The following STYXL1 variants were observed in gnomAD, a reference collection of about 807,000 sequenced individuals.
The protein encoded by STYXL1 is serine/threonine/tyrosine interacting like 1.
A neutral mutation model predicts 36.4 loss-of-function variants in STYXL1; 32 were observed. The observed-to-expected ratio is 0.88, with a 90% CI of 0.66 to 1.18. STYXL1 has a LOEUF of 1.18. STYXL1 is among the 50% of genes most tolerant of loss of function. The pLI, the probability that STYXL1 is intolerant of heterozygous loss-of-function variation, is 0.00. For missense variants in STYXL1, 354 were observed against 394.1 expected, an observed-to-expected ratio of 0.90 and a Z score of 0.86; for synonymous variants, 133 against 144.1, an observed-to-expected ratio of 0.92 and a Z score of 0.55.
At chr7:76,025,326 A>G (rs1794572692) in intron 3 of STYXL1, among the ~76,000 whole-genome samples, 1 of 152,150 alleles carries the variant, frequency 6.6e-6, no homozygotes, top group African/African-American at 2.4e-5. Context: ...AAATTAAAAA[A>G]AAAAAGCTAT....
At chr7:76,005,872 AGAG>A (rs1180135618) in intron 5 of STYXL1, among the ~76,000 whole-genome samples, 3 of 23,182 alleles carry the variant, frequency 1.3e-4, no homozygotes, top group South Asian at 1.3e-3. Flanking sequence ...GGAGGAAGAG[AGAG>A]GAGGAGAGAG....
intron 5 of STYXL1, among the ~76,000 whole-genome samples, chr7:76,011,502 T>G (rs1792548915): frequency 6.6e-6 from 1 of 152,234 alleles, no homozygotes. Context: ...TACTATGATT[T>G]CGATTGAAGT....
Position 76,028,722 on chromosome 7 carries a change from TA to T in STYXL1, c.104-20del. On this transcript the variant is annotated intron_variant, in intron 2 of 8. Coordinates refer to ENST00000359697, the MANE Select transcript of STYXL1 (RefSeq NM_001317785.2). ...CGGACATCTGGAAAGGAAACGTATT[TA>T]AGAACTGAATTTGCAAAGGAACATA... 1 of 1,613,084 alleles carries T rather than the reference TA, an allele frequency of 6.2e-7. No individual in the cohort carries two copies. Among genetic ancestry groups the T allele is most frequent in the Non-Finnish European group, 8.5e-7 (1 of 1,179,080 alleles).
At chr7:76,030,308 C>T in intron 2 of STYXL1, 113 bp downstream of exon 2, 1 of 766,522 alleles carries the variant, frequency 1.3e-6, no homozygotes, top group Non-Finnish European at 2.2e-6. Context: ...CCAGGGATCC[C>T]TGTTCTAAAG....
At position 76,047,926 on chromosome 7, in the gene STYXL1, G is replaced by A. The variant is rs752435372; in HGVS notation, c.-269C>T. ...CAGGTCCCCCACCGGCCACACAGAC[G>A]GCTACGCTAGAACCCAGCCAAACAC... On this transcript the variant is annotated 5_prime_UTR_variant, in exon 1 of 9. Transcript: ENST00000359697. 26 of 1,430,044 alleles carry A rather than the reference G, an allele frequency of 1.8e-5. No homozygotes were observed. The highest frequency in any genetic ancestry group is 2.4e-5 in the Non-Finnish European group (26 of 1,093,494). The allele number at this position is 1,430,044 out of a possible 1,614,324, so 88.6% of individuals were successfully genotyped here.
In STYXL1 at chr7:76,013,739, T is replaced by C. The variant is rs1554572942; in HGVS notation, c.453+3A>G. On this transcript the variant is annotated splice_donor_region_variant and intron_variant, in intron 5 of 8. Transcript: ENST00000359697. ...CCTGCCTGTGCTCAGCATTTGGCCCTACCTGAGGCATCCAGATGATCTTCT... is the reference window on the plus strand; with the variant it reads ...CCTGCCTGTGCTCAGCATTTGGCCCCACCTGAGGCATCCAGATGATCTTCT... The C allele has an allele frequency of 1.2e-6, 2 of 1,613,886 alleles. No homozygotes were observed. The highest frequency in any genetic ancestry group is 4.5e-5 in the East Asian group (2 of 44,852).
intron 1 of STYXL1, among the ~76,000 whole-genome samples, chr7:76,038,390 A>C (rs1205431976): frequency 2.7e-5 from 4 of 146,120 alleles, no homozygotes; most frequent in Non-Finnish European, 6.1e-5. Flanking sequence ...CGAGGCTGTC[A>C]GGACCTGCTT....
At chr7:76,022,881 T>C (rs1158046473) in intron 3 of STYXL1, among the ~76,000 whole-genome samples, 1 of 152,026 alleles carries the variant, frequency 6.6e-6, no homozygotes, top group Non-Finnish European at 1.5e-5. Context: ...GAGCTATGAT[T>C]GCACCACTGC....
chr7:76,021,950 A>G lies in STYXL1; in HGVS notation c.208T>C (p.Cys70Arg). 1 of 1,612,250 alleles carries G rather than the reference A, an allele frequency of 6.2e-7. No homozygotes were observed. The highest frequency in any genetic ancestry group is 8.5e-7 in the Non-Finnish European group (1 of 1,179,802). Residue 70 changes from cysteine to arginine, a missense_variant, in exon 4 of 9, where the codon TGT becomes CGT. Physicochemically the swap from Cys to Arg is radical, Grantham distance 180 (BLOSUM62 -3). Coordinates refer to ENST00000359697, the MANE Select transcript of STYXL1 (RefSeq NM_001317785.2). ...TCATACACCACGCAGTACTTCACAC[A>G]CTCCAGGTCCACAGACTCCGGGAGA... ...YLLPESVDLE[C>R]VKYCVVYDNN...
intron 3 of STYXL1, among the ~76,000 whole-genome samples, chr7:76,025,307 T>A (rs61224638): frequency 0.23 from 34,657 of 148,080 alleles, 5,484 homozygotes; most frequent in African/African-American, 0.45. Context: ...TCTCAAAAAA[T>A]AAAAATAAAA....
intron 4 of STYXL1, among the ~76,000 whole-genome samples, chr7:76,017,305 G>A (rs1472301013): frequency 6.6e-6 from 1 of 152,046 alleles, no homozygotes; most frequent in Non-Finnish European, 1.5e-5. Context: ...TTACAGGCAT[G>A]AGCCACCGTG....
intron 1 of STYXL1, among the ~76,000 whole-genome samples, chr7:76,047,153 C>T (rs2116603857): frequency 6.6e-6 from 1 of 151,982 alleles, no homozygotes. Context: ...CCCAGCTACT[C>T]AGGAGAATGA....
At chr7:76,028,543 G>A in intron 3 of STYXL1, 99 bp downstream of exon 3, 1 of 1,134,472 alleles carries the variant, frequency 8.8e-7, no homozygotes. Context: ...AAACAGTCCT[G>A]CTTCTGCTGC....
chr7:76,012,020 C>A (rs1792617170), intron 5 of STYXL1, among the ~76,000 whole-genome samples: 2 of 152,230 alleles, frequency 1.3e-5, no homozygotes. Flanking sequence ...AAAAAATAGG[C>A]TGAGTGCAGT....
In STYXL1 at chr7:76,005,320, TG is replaced by T. The variant is rs1563466594; in HGVS notation, c.537del (p.Lys180ArgfsTer6). 1 of 1,613,212 alleles carries T rather than the reference TG, an allele frequency of 6.2e-7. No homozygotes were observed. On this transcript the variant is annotated frameshift_variant, in exon 6 of 9. Transcript: ENST00000359697. LOFTEE classifies it high-confidence loss of function. ...TTGATTTTCAAGTCCTTCTGAATCTTGGGGTCACAGGCTTGACTGAAATTGC... is the reference window on the plus strand; with the variant it reads ...TTGATTTTCAAGTCCTTCTGAATCTTGGGTCACAGGCTTGACTGAAATTGC... ...FVGNFSQACDPKIQKDLKIKA... is the reference protein window; with the variant it reads ...FVGNFSQACDXKIQKDLKIKA...
chr7:76,028,011 G>C (rs573433185), intron 3 of STYXL1, among the ~76,000 whole-genome samples: 1 of 152,086 alleles, frequency 6.6e-6, no homozygotes, highest in East Asian at 1.9e-4. Context: ...GAGGCTGAGC[G>C]GCGTAGGATT....
intron 7 of STYXL1, 45 bp from the exon 8 acceptor site, chr7:76,001,047 C>T: frequency 6.7e-7 from 1 of 1,486,964 alleles, no homozygotes; most frequent in Non-Finnish European, 9.4e-7. Flanking sequence ...GCCCTCCTCC[C>T]TGTGGGCCTG....
intron 3 of STYXL1, among the ~76,000 whole-genome samples, chr7:76,026,191 CCAAAAAAAAAAAAAAAAA>C (rs1176679218): frequency 2.8e-3 from 24 of 8,570 alleles, no homozygotes; most frequent in African/African-American, 5.5e-3. Context: ...GACTCTGTCT[CCAAAAAAAAAAAAAAAAA>C]AAAAAAAAAA....
intron 1 of STYXL1, among the ~76,000 whole-genome samples, chr7:76,040,391 G>C (rs1796366081): frequency 6.6e-6 from 1 of 152,302 alleles, no homozygotes; most frequent in Non-Finnish European, 1.5e-5. Context: ...TGCAGACTCA[G>C]ATCTGCCACA....
Sources: gnomAD v4.1 joint callset for allele counts (sites outside exome capture counted in the v4.1 genomes callset) on GRCh38, gnomAD v4.1.1 for gene constraint, MANE v1.5 for transcripts, NCBI Gene and HGNC (gene_info 2026-07-23, HGNC 2026-07-21) for gene names.